Variants in CDH13 observed in about 807,000 individuals in gnomAD.
CDH13 encodes cadherin-13.
A neutral mutation model predicts 63.8 loss-of-function variants in CDH13; 24 were observed. The ratio of observed to expected loss-of-function variants is 0.38; its 90% CI spans 0.27 to 0.53. The LOEUF (loss-of-function observed/expected upper bound fraction) is 0.53. Ranked by LOEUF, CDH13 falls within the 20% of genes least tolerant of loss-of-function variation. The pLI, the probability that CDH13 is intolerant of heterozygous loss-of-function variation, is 0.85. For missense variants in CDH13, 1,049 were observed against 903.1 expected (o/e 1.16, Z -2.07); for synonymous variants, 503 against 355.3 (o/e 1.42, Z -4.67).
At chr16:83,445,327 A>G (rs2072654541) in intron 6 of CDH13, among the ~76,000 whole-genome samples, 1 of 104,878 alleles carries the variant, frequency 9.5e-6, no homozygotes, top group African/African-American at 2.8e-5. Flanking sequence ...ATTTTCACCT[A>G]CCCGAATCAT....
intron 6 of CDH13, among the ~76,000 whole-genome samples, chr16:83,348,020 T>C (rs546511781): frequency 2.8e-4 from 42 of 152,148 alleles, no homozygotes; most frequent in Non-Finnish European, 5.4e-4. Context: ...TGAAACCCCA[T>C]TGCTACGAAA....
At chr16:82,722,922 C>A (rs1260282775) in intron 1 of CDH13, 2 of 152,218 alleles carry the variant, frequency 1.3e-5, no homozygotes, top group African/African-American at 4.8e-5. Flanking sequence ...GGGGCCAAGG[C>A]ACATGTTTTC....
At chr16:83,367,378 C>T in intron 6 of CDH13, among the ~76,000 whole-genome samples, 1 of 152,280 alleles carries the variant, frequency 6.6e-6, no homozygotes, top group Non-Finnish European at 1.5e-5. Context: ...TATTTTATGA[C>T]ATTTATCCAT....
At position 83,798,499 on chromosome 16, in the gene CDH13, C is replaced by T. The variant is rs1429097023; in HGVS notation, c.*3469C>T. ...TCCCTCCAGTAACATATGAGACAAG[C>T]ACTACTATCTTCTCCAACTCACAGA... On this transcript the variant is annotated 3_prime_UTR_variant, in exon 14 of 14. Transcript: ENST00000567109. The T allele has an allele frequency of 6.6e-6, 1 of 152,212 alleles. No homozygotes were observed. Among genetic ancestry groups the T allele is most frequent in the African/African-American group, 2.4e-5 (1 of 41,450 alleles). The allele number at this position is 152,212 out of a possible 1,614,324, so 9.4% of individuals were successfully genotyped here.
chr16:83,486,065 C>A (rs554338140), intron 6 of CDH13, among the ~76,000 whole-genome samples: 1 of 152,114 alleles, frequency 6.6e-6, no homozygotes, highest in Non-Finnish European at 1.5e-5. Flanking sequence ...ATCACTTGAA[C>A]CTGGGAGGCG....
rs78045402 is a variant in CDH13 at position 82,640,521 on chromosome 16, C to T, written c.45+13384C>T. 8.3e-3 allele frequency among the ~76,000 whole-genome samples: 1,265 copies of T among 152,084 alleles called. 17 individuals carry two copies. The highest frequency in any genetic ancestry group is 0.04 in the Admixed American group (614 of 15,278). ...CGTGTAGCATTAAAGCAGCCACAGC[C>T]GATATGTAAATGAATGGGCAGGGTA... On this transcript the variant is annotated intron_variant, in intron 1 of 13. Transcript: ENST00000567109.
At chr16:83,475,655 C>G (rs934909637) in intron 6 of CDH13, among the ~76,000 whole-genome samples, 3 of 149,866 alleles carry the variant, frequency 2.0e-5, no homozygotes, top group Admixed American at 6.6e-5. Flanking sequence ...GATCTCGGCT[C>G]CCTGCAGCCT....
At chr16:83,560,967 A>T (rs2075694767) in intron 7 of CDH13, among the ~76,000 whole-genome samples, 1 of 152,126 alleles carries the variant, frequency 6.6e-6, no homozygotes, top group Non-Finnish European at 1.5e-5. Context: ...ATGTCTAGCA[A>T]ATTAGAACAA....
intron 6 of CDH13, among the ~76,000 whole-genome samples, chr16:83,355,093 A>G (rs909044655): frequency 6.6e-5 from 10 of 152,180 alleles, no homozygotes; most frequent in Non-Finnish European, 8.8e-5. Flanking sequence ...AAGCGAGGAA[A>G]TAGATATGAT....
intron 1 of CDH13, among the ~76,000 whole-genome samples, chr16:82,708,431 C>T (rs891438790): frequency 6.6e-6 from 1 of 152,162 alleles, no homozygotes; most frequent in African/African-American, 2.4e-5. Context: ...GAGAGCTCTC[C>T]TTCGTGCTTC....
At chr16:83,546,587 C>T (rs945537498) in intron 7 of CDH13, among the ~76,000 whole-genome samples, 1 of 152,054 alleles carries the variant, frequency 6.6e-6, no homozygotes, top group South Asian at 2.1e-4. Flanking sequence ...TCGATGAGGT[C>T]TGGGTATAAC....
chr16:83,446,331 AG>A (rs1210105960), intron 6 of CDH13, among the ~76,000 whole-genome samples: 2 of 151,896 alleles, frequency 1.3e-5, no homozygotes, highest in Non-Finnish European at 2.9e-5. Context: ...GAAAGAAAAA[AG>A]AAAAAATTAG....
intron 10 of CDH13, among the ~76,000 whole-genome samples, chr16:83,734,073 C>A (rs1242143018): frequency 6.6e-6 from 1 of 152,158 alleles, no homozygotes; most frequent in Non-Finnish European, 1.5e-5. Context: ...CTGTGACCAT[C>A]CATGTACTCC....
At chr16:82,880,648 C>G (rs971778835) in intron 2 of CDH13, among the ~76,000 whole-genome samples, 1 of 152,184 alleles carries the variant, frequency 6.6e-6, no homozygotes, top group Non-Finnish European at 1.5e-5. Flanking sequence ...GCCTGATTAG[C>G]AAGCCTGCTA....
intron 5 of CDH13, among the ~76,000 whole-genome samples, chr16:83,235,066 G>A (rs2040105826): frequency 6.6e-6 from 1 of 152,168 alleles, no homozygotes; most frequent in South Asian, 2.1e-4. Context: ...TTAGCACGGT[G>A]TGATGTTATG....
intron 10 of CDH13, among the ~76,000 whole-genome samples, chr16:83,728,454 G>C (rs369934347): frequency 6.6e-6 from 1 of 152,034 alleles, no homozygotes; most frequent in Non-Finnish European, 1.5e-5. Flanking sequence ...TATGTGCAAT[G>C]CAATTCTTTT....
intron 4 of CDH13, among the ~76,000 whole-genome samples, chr16:83,167,276 C>T (rs554609260): frequency 2.6e-5 from 4 of 151,276 alleles, no homozygotes; most frequent in African/African-American, 9.7e-5. Context: ...GCAGGTGGAT[C>T]ACTTGAGGTC....
At chr16:82,953,478 T>C (rs183442476) in intron 2 of CDH13, 36 of 152,306 alleles carry the variant, frequency 2.4e-4, no homozygotes, top group Non-Finnish European at 4.0e-4. Context: ...CTTTTACAAA[T>C]GATAAAGCTT....
At chr16:83,243,144 G>A (rs1368359023) in intron 5 of CDH13, among the ~76,000 whole-genome samples, 1 of 152,136 alleles carries the variant, frequency 6.6e-6, no homozygotes, top group Non-Finnish European at 1.5e-5. Context: ...GCCAAAGAGT[G>A]GCCTCGTACC....
Sources: gnomAD v4.1 joint callset for allele counts (sites outside exome capture counted in the v4.1 genomes callset) on GRCh38, gnomAD v4.1.1 for gene constraint, MANE v1.5 for transcripts, NCBI Gene and HGNC (gene_info 2026-07-23, HGNC 2026-07-21) for gene names.